LGR6: variants seen among roughly 807,000 people sequenced by gnomAD.
LGR6 encodes leucine-rich repeat-containing G protein-coupled receptor 6.
LGR6 carries 45 observed loss-of-function variants against 69.4 expected under a neutral mutation model. That is an observed-to-expected ratio of 0.65 (90% CI 0.51 to 0.83). The LOEUF (loss-of-function observed/expected upper bound fraction) is 0.83, where lower values mean the gene tolerates loss of function less well. LGR6 is among the 40% of genes least tolerant of loss of function. LGR6 has a pLI of 0.00. For synonymous variants in LGR6, 538 were observed against 555.0 expected, an observed-to-expected ratio of 0.97 and a Z score of 0.43; for missense variants, 1,108 against 1,246.7, an observed-to-expected ratio of 0.89 and a Z score of 1.68.
intron 3 of LGR6, among the ~76,000 whole-genome samples, chr1:202,232,660 CAA>C (rs1262357817): frequency 2.2e-5 from 3 of 136,352 alleles, no homozygotes; most frequent in Non-Finnish European, 5.2e-5. Context: ...ACCATCTCTA[CAA>C]AAAAATGTTA....
chr1:202,228,266 G>T (rs1193800986), intron 3 of LGR6, among the ~76,000 whole-genome samples: 1 of 152,216 alleles, frequency 6.6e-6, no homozygotes, highest in Non-Finnish European at 1.5e-5. Flanking sequence ...AAAAATTAAA[G>T]TGTATAATGA....
At position 202,261,435 on chromosome 1, in the gene LGR6, A is replaced by G. The variant is rs539301786; in HGVS notation, c.429-14871A>G. Reference sequence around the variant, plus strand: ...AACTCATCATTTTTTATGGCTGCATAGTATTCCATGGCGTGTATGTGCCAC... The same window carrying G: ...AACTCATCATTTTTTATGGCTGCATGGTATTCCATGGCGTGTATGTGCCAC... On this transcript the variant is annotated intron_variant, in intron 4 of 17. Transcript: ENST00000367278. Among the ~76,000 whole-genome samples the G allele has an allele frequency of 1.2e-3, 190 of 152,226 alleles. 3 individuals are homozygous for G. The highest frequency in any genetic ancestry group is 1.6e-4 in the Non-Finnish European group (11 of 68,024).
chr1:202,247,175 T>A (rs1003603902), intron 4 of LGR6, among the ~76,000 whole-genome samples: 4 of 152,246 alleles, frequency 2.6e-5, no homozygotes, highest in African/African-American at 4.8e-5. Context: ...GTGATTCTGA[T>A]GCACAGCTAG....
At chr1:202,243,723 A>G (rs1662400072) in intron 4 of LGR6, among the ~76,000 whole-genome samples, 1 of 152,098 alleles carries the variant, frequency 6.6e-6, no homozygotes, top group Non-Finnish European at 1.5e-5. Flanking sequence ...TCCCGGAAGC[A>G]AATCTTCAAG....
In LGR6 at chr1:202,319,051, T is replaced by C; in HGVS notation, c.2748T>C (p.His916=). 5 of 1,614,120 alleles carry C rather than the reference T, an allele frequency of 3.1e-6. No homozygotes were observed. Among genetic ancestry groups the C allele is most frequent in the Non-Finnish European group, 4.2e-6 (5 of 1,180,002 alleles). ...QPGAPRLEGS[H]CVEPEGNHFG... is the part of the protein sequence containing the mutation. ...GGGCCCCCAGGCTGGAGGGCAGCCA[T>C]TGTGTAGAGCCAGAGGGGAACCACT... The change falls in exon 18 of 18, where the codon CAT becomes CAC. Residue 916 remains histidine (H), a synonymous_variant. Transcript: ENST00000367278.
chr1:202,251,430 A>G (rs1663233764), intron 4 of LGR6, among the ~76,000 whole-genome samples: 1 of 152,198 alleles, frequency 6.6e-6, no homozygotes, highest in African/African-American at 2.4e-5. Context: ...ATGGAGAGGC[A>G]GGAGCTACAG....
intron 4 of LGR6, among the ~76,000 whole-genome samples, chr1:202,244,661 T>C (rs1662496415): frequency 6.6e-6 from 1 of 152,212 alleles, no homozygotes; most frequent in Non-Finnish European, 1.5e-5. Flanking sequence ...TGGATCATCC[T>C]GACCATCTCA....
At chr1:202,286,801 C>G (rs705753) in intron 6 of LGR6, among the ~76,000 whole-genome samples, 70,906 of 151,898 alleles carry the variant, frequency 0.47, 17,895 homozygotes, top group East Asian at 0.7. Flanking sequence ...AATTGAGCTG[C>G]CCAATGAGTT....
chr1:202,270,062 G>C (rs1022410771), intron 4 of LGR6, among the ~76,000 whole-genome samples: 18 of 152,164 alleles, frequency 1.2e-4, no homozygotes, highest in African/African-American at 4.1e-4. Context: ...GGGTCCACTA[G>C]ATTGATTTAG....
chr1:202,257,184 A>G (rs971444909), intron 4 of LGR6, among the ~76,000 whole-genome samples: 1 of 148,548 alleles, frequency 6.7e-6, no homozygotes, highest in East Asian at 2.0e-4. Context: ...TCTTTATCAT[A>G]TCCTTTGACA....
rs776225127 is a variant in LGR6, at chr1:202,303,375, T to C, written c.998+28T>C. Reference sequence around the variant, plus strand: ...GAGTGGCTTCTCTCTCCCTACCTTATCTATCGCCCCAGCTTCATTCCCAAG... The same window carrying C: ...GAGTGGCTTCTCTCTCCCTACCTTACCTATCGCCCCAGCTTCATTCCCAAG... On this transcript the variant is annotated intron_variant, in intron 10 of 17. Transcript: ENST00000367278. The C allele has an allele frequency of 1.9e-6, 3 of 1,574,870 alleles. No individual in the cohort carries two copies. In the South Asian group the frequency reaches 3.3e-5, roughly 17 times the overall value.
intron 6 of LGR6, among the ~76,000 whole-genome samples, chr1:202,283,920 C>T (rs987085629): frequency 6.6e-6 from 1 of 152,220 alleles, no homozygotes; most frequent in African/African-American, 2.4e-5. Flanking sequence ...GCTGGGTCAG[C>T]CAGAGGAAGT....
intron 6 of LGR6, among the ~76,000 whole-genome samples, chr1:202,296,279 T>C (rs1403298873): frequency 2.0e-5 from 3 of 152,056 alleles, no homozygotes; most frequent in African/African-American, 7.3e-5. Flanking sequence ...AGAAACAGGA[T>C]CCAAGAGGCA....
At chr1:202,276,555 G>A in intron 5 of LGR6, 34 bp downstream of exon 5, 1 of 1,542,892 alleles carries the variant, frequency 6.5e-7, no homozygotes, top group Non-Finnish European at 8.9e-7. Flanking sequence ...CCCCAGTGGG[G>A]TCCTGCTGGG....
At chr1:202,278,888 C>G (rs1326926416) in intron 5 of LGR6, among the ~76,000 whole-genome samples, 1 of 152,132 alleles carries the variant, frequency 6.6e-6, no homozygotes, top group African/African-American at 2.4e-5. Flanking sequence ...ACCAACAGGA[C>G]CCTTAGGTAG....
intron 4 of LGR6, among the ~76,000 whole-genome samples, chr1:202,252,295 C>T (rs577676520): frequency 2.0e-5 from 3 of 152,286 alleles, no homozygotes; most frequent in South Asian, 4.1e-4. Flanking sequence ...CTTTTCCTTT[C>T]TGCCAAGCCT....
Position 202,194,656 on chromosome 1 carries a change from G to T in LGR6, c.212+455G>T, listed in dbSNP as rs572752080. On this transcript the variant is annotated intron_variant, in intron 1 of 17. Transcript: ENST00000367278. ...AAATAATGTCTGTTCTTCTGCCATG[G>T]TGAGGACAACAGGGCTGTCACACTG... 7.8e-4 allele frequency: 387 copies of T among 495,136 alleles called. 1 individual carries two copies. Among genetic ancestry groups the T allele is most frequent in the Non-Finnish European group, 1.2e-3 (301 of 243,992 alleles). The allele number at this position is 495,136 out of a possible 1,614,324, so 30.7% of individuals were successfully genotyped here. A position where few individuals can be genotyped will look rare whatever the true frequency, so the allele number is the denominator to read the frequency against.
chr1:202,273,760 A>C (rs530336791), intron 4 of LGR6, among the ~76,000 whole-genome samples: 35 of 152,068 alleles, frequency 2.3e-4, no homozygotes, highest in Non-Finnish European at 4.3e-4. Context: ...CCGGTCATCA[A>C]TTTGACCTCT....
At chr1:202,308,067 A>G (rs1427090486) in intron 14 of LGR6, among the ~76,000 whole-genome samples, 2 of 152,184 alleles carry the variant, frequency 1.3e-5, no homozygotes, top group African/African-American at 2.4e-5. Context: ...TTTTCTGGTT[A>G]ACACAAAGAC....
Sources: gnomAD v4.1 joint callset for allele counts (sites outside exome capture counted in the v4.1 genomes callset) on GRCh38, gnomAD v4.1.1 for gene constraint, MANE v1.5 for transcripts, NCBI Gene and HGNC (gene_info 2026-07-23, HGNC 2026-07-21) for gene names.